Variants in MTHFD2L observed in about 807,000 individuals in gnomAD.
MTHFD2L encodes the protein methylenetetrahydrofolate dehydrogenase (NADP+ dependent) 2 like, also known as bifunctional methylenetetrahydrofolate dehydrogenase/cyclohydrolase 2, mitochondrial.
In MTHFD2L, 29 loss-of-function variants were observed where a neutral mutation model predicts 34.9. The observed-to-expected ratio is 0.83, with a 90% CI of 0.62 to 1.13. The LOEUF (loss-of-function observed/expected upper bound fraction) is 1.13. MTHFD2L is among the 50% of genes most tolerant of loss of function. The probability of loss-of-function intolerance (pLI) is 0.00; values close to 1 mark genes in which losing one functional copy is unlikely to be tolerated. For synonymous variants in MTHFD2L, 167 were observed against 155.7 expected (o/e 1.07, Z -0.54); for missense variants, 481 against 446.5 (o/e 1.08, Z -0.70).
At chr4:74,157,626 C>T (rs954972569), upstream of MTHFD2L, 56 of 456,370 alleles carry the variant, frequency 1.2e-4, no homozygotes, top group Non-Finnish European at 2.4e-4. Context: ...AGGTTTTGCT[C>T]CTTCTCCACA....
intron 6 of MTHFD2L, among the ~76,000 whole-genome samples, chr4:74,233,576 CAT>C (rs1341471390): frequency 2.0e-5 from 3 of 151,954 alleles, no homozygotes; most frequent in African/African-American, 7.2e-5. Context: ...AAAATTACAA[CAT>C]GTTTTAAATG....
chr4:74,199,017 C>T (rs1357722336), intron 3 of MTHFD2L, among the ~76,000 whole-genome samples: 2 of 151,978 alleles, frequency 1.3e-5, no homozygotes, highest in Non-Finnish European at 2.9e-5. Flanking sequence ...GCCGAATAAA[C>T]TTTTACATAG....
rs114169022 is a variant in MTHFD2L, at chr4:74,281,501, C to T, written c.882C>T (p.His294=). The T allele has an allele frequency of 3.1e-6, 5 of 1,612,488 alleles. No homozygotes were observed. Among genetic ancestry groups the T allele is most frequent in the African/African-American group, 2.7e-5 (2 of 74,904 alleles). The change falls in exon 7 of 8, where the codon CAC becomes CAT. Residue 294 remains histidine, a synonymous_variant. Transcript: ENST00000325278. The part of the protein sequence containing the change: ...AVIDVGINYV[H]DPVTGKTKLV... ...TTGATGTGGGTATCAACTATGTCCACGATCCAGTGACAGGAAAGACAAAAT... is the reference window on the plus strand; with the variant it reads ...TTGATGTGGGTATCAACTATGTCCATGATCCAGTGACAGGAAAGACAAAAT...
intron 7 of MTHFD2L, among the ~76,000 whole-genome samples, chr4:74,286,744 A>G (rs539489287): frequency 1.3e-5 from 2 of 152,090 alleles, no homozygotes; most frequent in Admixed American, 1.3e-4. Context: ...CTTCAATTTT[A>G]TGATGCTTCC....
Position 74,294,506 on chromosome 4 carries a change from A to G in MTHFD2L, c.932-7191A>G, listed in dbSNP as rs143869207. Reference sequence around the variant, plus strand: ...TGATGGTGCCAGAAGATTCATGACCACGTACTTTCTGTTTTATTCTTACTT... The same window carrying G: ...TGATGGTGCCAGAAGATTCATGACCGCGTACTTTCTGTTTTATTCTTACTT... On this transcript the variant is annotated intron_variant, in intron 7 of 7. Transcript: ENST00000325278. Among the ~76,000 whole-genome samples the G allele has an allele frequency of 2.2e-3, 331 of 152,182 alleles. 1 individual carries two copies. The highest frequency in any genetic ancestry group is 7.7e-3 in the African/African-American group (321 of 41,538).
At chr4:74,298,559 A>C (rs114081017) in intron 7 of MTHFD2L, among the ~76,000 whole-genome samples, 596 of 152,200 alleles carry the variant, frequency 3.9e-3, no homozygotes, top group Non-Finnish European at 6.3e-3. Context: ...TGGAAGAGGA[A>C]GATAATGATA....
At chr4:74,185,859 G>A (rs1731140916) in intron 3 of MTHFD2L, among the ~76,000 whole-genome samples, 1 of 152,162 alleles carries the variant, frequency 6.6e-6, no homozygotes, top group Non-Finnish European at 1.5e-5. Context: ...TGATAAAGAA[G>A]AGGGAATGCT....
At chr4:74,116,554 A>T (rs1721658612) in intron 2 of MTHFD2L, among the ~76,000 whole-genome samples, 1 of 152,194 alleles carries the variant, frequency 6.6e-6, no homozygotes, top group Non-Finnish European at 1.5e-5. Context: ...GCCCTGAAAA[A>T]AGCCTGAACT....
chr4:74,282,838 C>T (rs575050066), intron 7 of MTHFD2L, among the ~76,000 whole-genome samples: 3 of 152,018 alleles, frequency 2.0e-5, no homozygotes, highest in Non-Finnish European at 4.4e-5. Context: ...TCTATCTGTA[C>T]GTATATACAT....
chr4:74,227,731 G>A (rs979645773), intron 6 of MTHFD2L, among the ~76,000 whole-genome samples: 1 of 152,288 alleles, frequency 6.6e-6, no homozygotes, highest in South Asian at 2.1e-4. Context: ...AGCCAAGAAT[G>A]GCTGACAGCA....
At chr4:74,149,416 T>A (rs1578258963) in intron 1 of MTHFD2L, among the ~76,000 whole-genome samples, 1 of 152,070 alleles carries the variant, frequency 6.6e-6, no homozygotes, top group East Asian at 1.9e-4. Context: ...AAAAAATGAA[T>A]GAATTATAGC....
At chr4:74,131,759 T>G (rs922149296) in intron 1 of MTHFD2L, among the ~76,000 whole-genome samples, 1 of 152,204 alleles carries the variant, frequency 6.6e-6, no homozygotes, top group African/African-American at 2.4e-5. Flanking sequence ...AAGGAGCTTC[T>G]GCACAGCAAA....
intron 2 of MTHFD2L, among the ~76,000 whole-genome samples, chr4:74,117,085 A>C (rs992407318): frequency 5.3e-5 from 8 of 152,224 alleles, no homozygotes; most frequent in Admixed American, 2.6e-4. Context: ...CTGTGATGGA[A>C]ATGCTTGGAG....
chr4:74,116,416 C>T (rs1260084730), intron 2 of MTHFD2L, among the ~76,000 whole-genome samples: 1 of 152,068 alleles, frequency 6.6e-6, no homozygotes, highest in Non-Finnish European at 1.5e-5. Flanking sequence ...ATAAGGAGAA[C>T]TGTAAAGAAA....
intron 1 of MTHFD2L, among the ~76,000 whole-genome samples, chr4:74,136,733 G>A (rs892162033): frequency 6.6e-6 from 1 of 152,120 alleles, no homozygotes; most frequent in Admixed American, 6.5e-5. Flanking sequence ...CTATTACAAA[G>A]CTATAGTAAC....
At chr4:74,196,945 C>CAAAAA (rs571646612) in intron 3 of MTHFD2L, among the ~76,000 whole-genome samples, 1 of 59,420 alleles carries the variant, frequency 1.7e-5, no homozygotes, top group African/African-American at 5.8e-5. Flanking sequence ...GACTCTGTCT[C>CAAAAA]AAAAAAAAAA....
Position 74,290,998 on chromosome 4 carries a change from C to CTT in MTHFD2L, c.931+9451_931+9452dup, listed in dbSNP as rs1560565979. Among the ~76,000 whole-genome samples the CTT allele has an allele frequency of 2.7e-3, 124 of 46,174 alleles. 4 individuals are homozygous for CTT. Among genetic ancestry groups the CTT allele is most frequent in the African/African-American group, 7.8e-3 (116 of 14,960 alleles). 30.3% of individuals were successfully genotyped at this position (46,174 alleles called of 152,430 possible). On this transcript the variant is annotated intron_variant, in intron 7 of 7. Transcript: ENST00000325278. ...GCTTCCTGTCTTACATTTATTTTTCCTTTTCTTTTTTTTTTTTTTTTTTTT... is the reference window on the plus strand; with the variant it reads ...GCTTCCTGTCTTACATTTATTTTTCCTTTTTTCTTTTTTTTTTTTTTTTTTTT...
intron 7 of MTHFD2L, among the ~76,000 whole-genome samples, chr4:74,293,977 C>G (rs1323261850): frequency 2.0e-5 from 3 of 152,064 alleles, no homozygotes; most frequent in Non-Finnish European, 2.9e-5. Context: ...GTTCTGCTGC[C>G]TTGCCACAGA....
At chr4:74,269,565 AAAT>A (rs1418417404) in intron 6 of MTHFD2L, among the ~76,000 whole-genome samples, 5 of 151,868 alleles carry the variant, frequency 3.3e-5, no homozygotes, top group Admixed American at 6.6e-5. Flanking sequence ...ATATAATAAT[AAAT>A]AATGTATAAA....
Sources: gnomAD v4.1 joint callset for allele counts (sites outside exome capture counted in the v4.1 genomes callset) on GRCh38, gnomAD v4.1.1 for gene constraint, MANE v1.5 for transcripts, NCBI Gene and HGNC (gene_info 2026-07-23, HGNC 2026-07-21) for gene names.